TENM3: variants seen among roughly 807,000 people sequenced by gnomAD.
TENM3 encodes teneurin-3.
In TENM3, 63 loss-of-function variants were observed where a neutral mutation model predicts 255.1. The observed-to-expected ratio is 0.25, with a 90% CI of 0.20 to 0.30. The LOEUF (loss-of-function observed/expected upper bound fraction) is 0.30, where lower values mean the gene tolerates loss of function less well. TENM3 is among the 10% of genes least tolerant of loss of function. TENM3 has a pLI of 1.00. For missense variants in TENM3, 2,929 were observed against 3,461.1 expected, an observed-to-expected ratio of 0.85 and a Z score of 3.86; for synonymous variants, 1,306 against 1,322.3, an observed-to-expected ratio of 0.99 and a Z score of 0.27.
chr4:182,201,646 G>A (rs929775053), intron 1 of TENM3, among the ~76,000 whole-genome samples: 8 of 151,798 alleles, frequency 5.3e-5, no homozygotes, highest in Non-Finnish European at 1.0e-4. Flanking sequence ...GCGGAAGGGG[G>A]TCTGAAGTTA....
the TENM3 span, among the ~76,000 whole-genome samples, chr4:181,556,264 AT>A: frequency 1.4e-4 from 22 of 151,748 alleles, no homozygotes; most frequent in African/African-American, 3.4e-4. Context: ...ACCTGACAGA[AT>A]TTTTTTTTAT....
At chr4:182,787,550 A>G (rs1236586779) in intron 24 of TENM3, among the ~76,000 whole-genome samples, 4 of 152,026 alleles carry the variant, frequency 2.6e-5, no homozygotes, top group African/African-American at 9.7e-5. Flanking sequence ...CCTGGCCAAC[A>G]TGGTGAAACC....
chr4:181,604,128 G>A, the TENM3 span, among the ~76,000 whole-genome samples: 26 of 152,120 alleles, frequency 1.7e-4, no homozygotes, highest in Non-Finnish European at 3.2e-4. Flanking sequence ...AGCCGGGCGT[G>A]GTGGCGGGTG....
At chr4:182,564,437 C>T (rs912916964) in intron 3 of TENM3, among the ~76,000 whole-genome samples, 1 of 152,172 alleles carries the variant, frequency 6.6e-6, no homozygotes, top group Non-Finnish European at 1.5e-5. Flanking sequence ...TACAGGCTGT[C>T]ACCACCATGC....
At chr4:181,636,892 C>A in the TENM3 span, among the ~76,000 whole-genome samples, 1 of 152,192 alleles carries the variant, frequency 6.6e-6, no homozygotes, top group South Asian at 2.1e-4. Context: ...TCATGCCCTG[C>A]ATCCTTTACA....
At chr4:181,590,311 C>G in the TENM3 span, among the ~76,000 whole-genome samples, 1 of 152,096 alleles carries the variant, frequency 6.6e-6, no homozygotes, top group Non-Finnish European at 1.5e-5. Context: ...CCAAGAAGCT[C>G]GAAGGAAATT....
chr4:181,989,451 TA>T, the TENM3 span, among the ~76,000 whole-genome samples: 88 of 151,666 alleles, frequency 5.8e-4, no homozygotes, highest in Admixed American at 2.0e-3. Flanking sequence ...TACAAACTGC[TA>T]AAAAAAAATC....
At chr4:182,605,536 G>T (rs79774968) in intron 4 of TENM3, among the ~76,000 whole-genome samples, 8,525 of 149,444 alleles carry the variant, frequency 0.057, 257 homozygotes, top group African/African-American at 0.081. Context: ...CTAATGAATA[G>T]TAAAAAATCA....
the TENM3 span, among the ~76,000 whole-genome samples, chr4:182,027,517 A>T: frequency 6.6e-6 from 1 of 151,598 alleles, no homozygotes; most frequent in African/African-American, 2.4e-5. Context: ...ATTGAATAAC[A>T]GTGATGAAAA....
intron 19 of TENM3, among the ~76,000 whole-genome samples, chr4:182,750,968 C>A (rs190137445): frequency 6.6e-6 from 1 of 152,144 alleles, no homozygotes; most frequent in African/African-American, 2.4e-5. Context: ...TCCAATGATA[C>A]GTCATAATTT....
At chr4:182,163,383 C>A (rs1403558461) in intron 1 of TENM3, among the ~76,000 whole-genome samples, 2 of 152,184 alleles carry the variant, frequency 1.3e-5, no homozygotes, top group Non-Finnish European at 2.9e-5. Flanking sequence ...CCCCTTCCAG[C>A]CCCGCCTCCC....
At chr4:182,079,736 C>T in the TENM3 span, 2 of 152,452 alleles carry the variant, frequency 1.3e-5, no homozygotes, top group Middle Eastern at 3.4e-3. Flanking sequence ...GCAGAGCTGA[C>T]TCCTCATCAG....
chr4:182,411,178 C>T (rs746074051), intron 3 of TENM3, among the ~76,000 whole-genome samples: 6 of 152,220 alleles, frequency 3.9e-5, no homozygotes, highest in Non-Finnish European at 5.9e-5. Context: ...CCTTCACTCT[C>T]GAGCCCGGTG....
the TENM3 span, among the ~76,000 whole-genome samples, chr4:182,072,982 G>A: frequency 6.6e-6 from 1 of 152,194 alleles, no homozygotes; most frequent in Non-Finnish European, 1.5e-5. Flanking sequence ...GTAGGTAAAA[G>A]AAGAGACACC....
the TENM3 span, among the ~76,000 whole-genome samples, chr4:181,501,872 T>C: frequency 2.6e-5 from 4 of 152,122 alleles, no homozygotes; most frequent in Admixed American, 2.0e-4. Flanking sequence ...CCATAACCCA[T>C]GCAGGCTCAG....
chr4:182,499,263 A>G (rs1736095348), intron 3 of TENM3, among the ~76,000 whole-genome samples: 1 of 152,246 alleles, frequency 6.6e-6, no homozygotes, highest in African/African-American at 2.4e-5. Context: ...AGGGTAACAA[A>G]AAAGAAAATA....
At chr4:182,707,368 A>G (rs1159496733) in intron 12 of TENM3, among the ~76,000 whole-genome samples, 1 of 152,178 alleles carries the variant, frequency 6.6e-6, no homozygotes, top group East Asian at 1.9e-4. Context: ...GGAATGAAGC[A>G]TACAATACTA....
the TENM3 span, among the ~76,000 whole-genome samples, chr4:181,937,375 C>A: frequency 0.017 from 2,547 of 152,258 alleles, 60 homozygotes; most frequent in African/African-American, 0.058. Flanking sequence ...CCAGTTTATA[C>A]TTTAAAGTAC....
the TENM3 span, among the ~76,000 whole-genome samples, chr4:181,704,092 C>A: frequency 6.6e-6 from 1 of 152,166 alleles, no homozygotes; most frequent in African/African-American, 2.4e-5. Flanking sequence ...AGTTCAACAA[C>A]CCAAATAACA....
Sources: allele counts gnomAD v4.1 joint callset (sites outside exome capture counted in the v4.1 genomes callset), GRCh38; gene constraint gnomAD v4.1.1; transcripts MANE v1.5; gene names NCBI Gene and HGNC (gene_info 2026-07-23, HGNC 2026-07-21).